The following ZNF804B variants were observed in gnomAD, a reference collection of about 807,000 sequenced individuals.
ZNF804B encodes the protein zinc finger 804B.
Under a neutral mutation model 101.4 loss-of-function variants are expected in ZNF804B, and 80 were observed. The ratio of observed to expected loss-of-function variants is 0.79; its 90% CI spans 0.66 to 0.95. The LOEUF (loss-of-function observed/expected upper bound fraction) is 0.95, where lower values mean the gene tolerates loss of function less well. Ranked by LOEUF, ZNF804B falls within the 40% of genes least tolerant of loss-of-function variation. The pLI is 0.00. For synonymous variants in ZNF804B, 622 were observed against 558.8 expected (o/e 1.11, Z -1.59); for missense variants, 1,673 against 1,561.9 (o/e 1.07, Z -1.20).
At chr7:89,103,269 G>A (rs1790088780) in intron 1 of ZNF804B, among the ~76,000 whole-genome samples, 1 of 149,822 alleles carries the variant, frequency 6.7e-6, no homozygotes, top group Non-Finnish European at 1.5e-5. Flanking sequence ...GAAAAATGAT[G>A]TTGGTAATTT....
chr7:89,327,496 G>A (rs372608885), intron 3 of ZNF804B, 22 bp downstream of exon 3: 3 of 1,599,040 alleles, frequency 1.9e-6, no homozygotes. Flanking sequence ...AGGTGTCTGG[G>A]ATGCTTCAAA....
At chr7:88,880,849 C>T (rs138753791) in intron 1 of ZNF804B, among the ~76,000 whole-genome samples, 1 of 152,002 alleles carries the variant, frequency 6.6e-6, no homozygotes, top group East Asian at 1.9e-4. Flanking sequence ...AATATTTGTA[C>T]TGTTCTAACA....
intron 1 of ZNF804B, among the ~76,000 whole-genome samples, chr7:89,023,479 G>A (rs1022775131): frequency 2.0e-5 from 3 of 152,292 alleles, no homozygotes; most frequent in East Asian, 1.9e-4. Flanking sequence ...GATGATACAT[G>A]AAGTTTGTCT....
At chr7:88,958,319 A>G (rs1190444165) in intron 1 of ZNF804B, among the ~76,000 whole-genome samples, 5 of 151,532 alleles carry the variant, frequency 3.3e-5, no homozygotes, top group African/African-American at 1.2e-4. Context: ...AAAATTATTC[A>G]TAAAAATGGA....
chr7:89,026,178 T>C (rs1466134638), intron 1 of ZNF804B, among the ~76,000 whole-genome samples: 1 of 152,160 alleles, frequency 6.6e-6, no homozygotes, highest in African/African-American at 2.4e-5. Context: ...GAAGCTACAA[T>C]GTTCTAGGCA....
intron 1 of ZNF804B, among the ~76,000 whole-genome samples, chr7:88,872,913 A>G (rs1016287466): frequency 1.3e-5 from 2 of 151,778 alleles, no homozygotes; most frequent in African/African-American, 4.9e-5. Flanking sequence ...TATTGTGAAT[A>G]ATGCCGCAAT....
chr7:89,292,056 C>T (rs1431942009), intron 2 of ZNF804B, among the ~76,000 whole-genome samples: 2 of 151,960 alleles, frequency 1.3e-5, no homozygotes, highest in Non-Finnish European at 2.9e-5. Context: ...AAAAATTCTT[C>T]AAAAATGAAA....
chr7:88,790,997 A>G (rs1241073741), intron 1 of ZNF804B, among the ~76,000 whole-genome samples: 1 of 152,088 alleles, frequency 6.6e-6, no homozygotes, highest in African/African-American at 2.4e-5. Context: ...ACTGAAGACA[A>G]TTTGTACTTC....
In ZNF804B at chr7:89,007,382, G is replaced by A. The variant is rs971938794; in HGVS notation, c.109-210773G>A. ...GGGTGAGTATAGGATTGGGTTTTCC[G>A]GGTTCAGGAAACACTTCAAAGGAAA... On this transcript the variant is annotated intron_variant, in intron 1 of 3. Coordinates refer to ENST00000333190, the MANE Select transcript of ZNF804B (RefSeq NM_181646.5). 4.9e-5 allele frequency among the ~76,000 whole-genome samples: 7 copies of A among 142,614 alleles called. No homozygotes were observed. The East Asian group carries it at 6.5e-4, about 13-fold the overall frequency. The allele number at this position is 142,614 out of a possible 152,430, so 93.6% of individuals were successfully genotyped here. A position where few individuals can be genotyped will look rare whatever the true frequency, so the allele number is the denominator to read the frequency against.
chr7:89,275,952 A>G (rs1179332100), intron 2 of ZNF804B, among the ~76,000 whole-genome samples: 1 of 151,910 alleles, frequency 6.6e-6, no homozygotes, highest in Non-Finnish European at 1.5e-5. Flanking sequence ...AGATAAAAAA[A>G]TGTGGTACAT....
chr7:88,852,273 G>C (rs1414157122), intron 1 of ZNF804B, among the ~76,000 whole-genome samples: 2 of 152,016 alleles, frequency 1.3e-5, no homozygotes, highest in Admixed American at 1.3e-4. Context: ...GTATTTCCTA[G>C]TTGTAATGTT....
At chr7:89,278,153 C>G (rs536868361) in intron 2 of ZNF804B, among the ~76,000 whole-genome samples, 2,252 of 152,208 alleles carry the variant, frequency 0.015, 28 homozygotes, top group African/African-American at 0.034. Context: ...GTCTTCTTTT[C>G]AGAAGTGTCT....
intron 1 of ZNF804B, among the ~76,000 whole-genome samples, chr7:88,977,030 C>T (rs1019155369): frequency 6.6e-6 from 1 of 151,624 alleles, no homozygotes. Context: ...TACGATGTAT[C>T]ACATTGATTG....
intron 1 of ZNF804B, among the ~76,000 whole-genome samples, chr7:88,854,957 G>A (rs1179682679): frequency 6.6e-6 from 1 of 151,840 alleles, no homozygotes; most frequent in African/African-American, 2.4e-5. Context: ...TGGCTGCATA[G>A]TATTCCATGG....
chr7:88,811,970 T>C (rs184079947), intron 1 of ZNF804B, among the ~76,000 whole-genome samples: 1 of 151,988 alleles, frequency 6.6e-6, no homozygotes, highest in Admixed American at 6.6e-5. Context: ...CCCAGAACTT[T>C]AAAAAAAATT....
At chr7:89,164,823 A>G (rs181379550) in intron 1 of ZNF804B, among the ~76,000 whole-genome samples, 1 of 152,258 alleles carries the variant, frequency 6.6e-6, no homozygotes, top group East Asian at 1.9e-4. Context: ...ACTTTTAGAT[A>G]TCAGTACCAT....
intron 1 of ZNF804B, among the ~76,000 whole-genome samples, chr7:88,829,054 C>G (rs1461144237): frequency 6.6e-6 from 1 of 152,024 alleles, no homozygotes; most frequent in African/African-American, 2.4e-5. Flanking sequence ...ATCCATTATC[C>G]TTTGTCTATT....
At chr7:88,996,899 T>G (rs1788208989) in intron 1 of ZNF804B, among the ~76,000 whole-genome samples, 1 of 152,040 alleles carries the variant, frequency 6.6e-6, no homozygotes, top group Non-Finnish European at 1.5e-5. Context: ...GGTTGGAAGA[T>G]GTCCATATCT....
At position 88,760,120 on chromosome 7, in the gene ZNF804B, G is replaced by T. The variant is rs200638454; in HGVS notation, c.108+36G>T. The T allele has an allele frequency of 2.3e-4, 360 of 1,543,330 alleles. 2 individuals carry two copies. The highest frequency in any genetic ancestry group is 1.7e-5 in the Non-Finnish European group (19 of 1,115,826). ...CGCGCACACACATACATACACAAAC[G>T]TTCCAACTCAACACAAACAAAAAGA... On this transcript the variant is annotated intron_variant, in intron 1 of 3. Coordinates refer to ENST00000333190, the MANE Select transcript of ZNF804B (RefSeq NM_181646.5).
Sources: gnomAD v4.1 joint callset for allele counts (sites outside exome capture counted in the v4.1 genomes callset) on GRCh38, gnomAD v4.1.1 for gene constraint, MANE v1.5 for transcripts, NCBI Gene and HGNC (gene_info 2026-07-23, HGNC 2026-07-21) for gene names.